The following NCMAP variants were observed in gnomAD, a reference collection of about 807,000 sequenced individuals.
The protein encoded by NCMAP is non-compact myelin associated protein, also known as noncompact myelin-associated protein.
Under a neutral mutation model 7.8 loss-of-function variants are expected in NCMAP, and 8 were observed. That is an observed-to-expected ratio of 1.02 (90% CI 0.60 to 1.84). NCMAP has a LOEUF of 1.84. NCMAP is among the 40% of genes most tolerant of loss of function. The pLI is 0.00. For missense variants in NCMAP, 112 were observed against 131.4 expected (o/e 0.85, Z 0.72); for synonymous variants, 41 against 52.9 (o/e 0.78, Z 0.98).
At chr1:24,570,369 C>A (rs1442067812) in intron 1 of NCMAP, among the ~76,000 whole-genome samples, 2 of 150,738 alleles carry the variant, frequency 1.3e-5, no homozygotes, top group African/African-American at 2.5e-5. Flanking sequence ...GTGGCTTGCA[C>A]CTATAGTTCC....
chr1:24,593,752 G>C (rs981036620), intron 1 of NCMAP, among the ~76,000 whole-genome samples: 3 of 151,946 alleles, frequency 2.0e-5, no homozygotes, highest in South Asian at 2.1e-4. Flanking sequence ...TAGACCCTTC[G>C]TGGGCTTCCA....
chr1:24,569,841 C>CA (rs1348323153), intron 1 of NCMAP, among the ~76,000 whole-genome samples: 1 of 150,914 alleles, frequency 6.6e-6, no homozygotes, highest in Non-Finnish European at 1.5e-5. Context: ...TTCAAGCCCT[C>CA]AAAACATGGT....
At chr1:24,595,586 G>T in intron 2 of NCMAP, 74 bp downstream of exon 2, 1 of 1,228,268 alleles carries the variant, frequency 8.1e-7, no homozygotes, top group South Asian at 1.3e-5. Flanking sequence ...CAGAGGTTAA[G>T]AGTGTGGGCT....
chr1:24,568,798 T>C (rs548405336), intron 1 of NCMAP, among the ~76,000 whole-genome samples: 1 of 152,218 alleles, frequency 6.6e-6, no homozygotes, highest in East Asian at 1.9e-4. Flanking sequence ...TTTTTGTTGT[T>C]GTTATTAGAG....
At position 24,597,878 on chromosome 1, in the gene NCMAP, T is replaced by C. The variant is rs77966424; in HGVS notation, c.82+2366T>C. On this transcript the variant is annotated intron_variant, in intron 2 of 3. Transcript: ENST00000374392. ...TGTACTTATACTAAAACGGTATCCA[T>C]TGTTTGTTGAAAATTCTGATTTTAT... Among the ~76,000 whole-genome samples the C allele has an allele frequency of 2.5e-3, 377 of 152,208 alleles. 1 individual carries two copies. The highest frequency in any genetic ancestry group is 8.6e-3 in the African/African-American group (358 of 41,536).
intron 2 of NCMAP, among the ~76,000 whole-genome samples, chr1:24,597,574 T>A: frequency 1.5e-5 from 1 of 67,280 alleles, no homozygotes; most frequent in Non-Finnish European, 3.0e-5. Context: ...GGTTCTCCTG[T>A]AAAAACAAAA....
At position 24,600,992 on chromosome 1, in the gene NCMAP, C is replaced by T. The variant is rs747122535; in HGVS notation, c.135C>T (p.Thr45=). Reference sequence around the variant, plus strand: ...TGGTGGTTGTCATCATCATCTTCACCGTGGTTCTGATCCTGCTGAAGATGT... The same window carrying T: ...TGGTGGTTGTCATCATCATCTTCACTGTGGTTCTGATCCTGCTGAAGATGT... The part of the protein sequence containing the change: ...AVVVVVIIIF[T]VVLILLKMYN... Residue 45 remains threonine (T), a synonymous_variant, in exon 3 of 4, where the codon ACC becomes ACT. Transcript: ENST00000374392. 1.1e-5 allele frequency: 17 copies of T among 1,613,996 alleles called. No homozygotes were observed. The South Asian group carries it at 1.6e-4, about 16-fold the overall frequency.
intron 1 of NCMAP, among the ~76,000 whole-genome samples, chr1:24,584,425 T>A (rs1289576146): frequency 6.6e-6 from 1 of 152,246 alleles, no homozygotes; most frequent in African/African-American, 2.4e-5. Context: ...ACTCAGCTTA[T>A]CATATCTGCA....
In NCMAP at chr1:24,576,137, C is replaced by A. The variant is rs1651552766; in HGVS notation, c.-7-19287C>A. Among the ~76,000 whole-genome samples the A allele has an allele frequency of 6.6e-6, 1 of 152,044 alleles. No homozygotes were observed. The highest frequency in any genetic ancestry group is 2.4e-5 in the African/African-American group (1 of 41,404). ...CCACTGCCACCCTGCACAGATGGCT[C>A]CCCTGCCTGTCCCCCGACCTGCCTT... On this transcript the variant is annotated intron_variant, in intron 1 of 3. Coordinates refer to ENST00000374392, the MANE Select transcript of NCMAP (RefSeq NM_001010980.5). This position sits in a 1 kb window ranked among gnomAD's most constrained non-coding sequence, Gnocchi z 4.0.
chr1:24,603,025 G>A (rs1052617334), intron 3 of NCMAP, among the ~76,000 whole-genome samples: 1 of 151,884 alleles, frequency 6.6e-6, no homozygotes, highest in Non-Finnish European at 1.5e-5. Context: ...GGATGACAAT[G>A]TGAGACTCCA....
intron 3 of NCMAP, among the ~76,000 whole-genome samples, chr1:24,604,656 C>CAGCAAGAT (rs1470996844): frequency 1.4e-5 from 1 of 71,272 alleles, no homozygotes; most frequent in Non-Finnish European, 2.4e-5. Context: ...ATATATATGT[C>CAGCAAGAT]AGCAAGATGA....
chr1:24,573,971 A>C (rs868365572), intron 1 of NCMAP, among the ~76,000 whole-genome samples: 37 of 137,524 alleles, frequency 2.7e-4, no homozygotes, highest in African/African-American at 9.4e-4. Flanking sequence ...AAAAAAAAAA[A>C]CAGAAAAAAG....
chr1:24,591,237 G>A (rs1006249559), intron 1 of NCMAP, among the ~76,000 whole-genome samples: 1 of 152,166 alleles, frequency 6.6e-6, no homozygotes, highest in Non-Finnish European at 1.5e-5. Flanking sequence ...GTATGAGTAG[G>A]AGTCTTCCTT....
At chr1:24,597,418 C>T (rs1409335679) in intron 2 of NCMAP, among the ~76,000 whole-genome samples, 2 of 149,070 alleles carry the variant, frequency 1.3e-5, no homozygotes, top group African/African-American at 2.5e-5. Flanking sequence ...GCATGAGAAT[C>T]GCCTGAACCT....
chr1:24,587,447 C>G (rs1449298218), intron 1 of NCMAP, among the ~76,000 whole-genome samples: 2 of 152,238 alleles, frequency 1.3e-5, no homozygotes, highest in African/African-American at 2.4e-5. Flanking sequence ...GCTACCCCAA[C>G]TGCTCTGTTC....
chr1:24,590,666 T>A (rs537040045), intron 1 of NCMAP, among the ~76,000 whole-genome samples: 35 of 152,278 alleles, frequency 2.3e-4, no homozygotes, highest in Non-Finnish European at 3.2e-4. Flanking sequence ...AATGGTGCCA[T>A]CATGGCTCAC....
intron 1 of NCMAP, among the ~76,000 whole-genome samples, chr1:24,579,555 C>A (rs1651686874): frequency 6.6e-6 from 1 of 152,046 alleles, no homozygotes; most frequent in Admixed American, 6.6e-5. Context: ...TGCAACATAG[C>A]AAGACCCATC....
At chr1:24,603,477 C>A (rs1419943849) in intron 3 of NCMAP, among the ~76,000 whole-genome samples, 1 of 152,150 alleles carries the variant, frequency 6.6e-6, no homozygotes, top group Non-Finnish European at 1.5e-5. Flanking sequence ...GAGCTCTGAA[C>A]CTCTTTTTTA....
At chr1:24,583,099 T>C (rs1651788070) in intron 1 of NCMAP, among the ~76,000 whole-genome samples, 1 of 152,098 alleles carries the variant, frequency 6.6e-6, no homozygotes, top group Non-Finnish European at 1.5e-5. Context: ...ATAGGGAGAA[T>C]AGGAAACTGT....
Sources: allele counts gnomAD v4.1 joint callset (sites outside exome capture counted in the v4.1 genomes callset), GRCh38; gene constraint gnomAD v4.1.1; non-coding constraint Gnocchi (gnomAD v3.1); transcripts MANE v1.5; gene names NCBI Gene and HGNC (gene_info 2026-07-23, HGNC 2026-07-21).